Variants in KCNJ13 observed in about 807,000 individuals in gnomAD.
The protein encoded by KCNJ13 is inward rectifier potassium channel 13.
Under a neutral mutation model 24.6 loss-of-function variants are expected in KCNJ13, and 9 were observed. The observed-to-expected ratio is 0.37, with a 90% CI of 0.22 to 0.64. The LOEUF is 0.64. Among genes scored for constraint, KCNJ13 ranks in the 30% least tolerant of loss-of-function variants. The pLI is 0.64. For synonymous variants in KCNJ13, 148 were observed against 154.7 expected (o/e 0.96, Z 0.32); for missense variants, 337 against 443.8 (o/e 0.76, Z 2.16).
chr2:232,770,888 CA>C lies in KCNJ13; in HGVS notation c.460+14del, dbSNP rs777396981. 10 of 1,592,294 alleles carry C rather than the reference CA, an allele frequency of 6.3e-6. No homozygotes were observed. The South Asian group carries it at 1.0e-4, about 16-fold the overall frequency. ...TTTTTGTTTTTGTTTTTTTTAAGAA[CA>C]AAGACAAAATTACCTGTGATAAAAG... On this transcript the variant is annotated intron_variant, in intron 2 of 2. Coordinates refer to ENST00000233826, the MANE Select transcript of KCNJ13 (RefSeq NM_002242.4).
At position 232,768,582 on chromosome 2, in the gene KCNJ13, G is replaced by C; in HGVS notation, c.692C>G (p.Ser231Cys). The C allele has an allele frequency of 6.2e-7, 1 of 1,614,136 alleles. No individual in the cohort carries two copies. Among genetic ancestry groups the C allele is most frequent in the Non-Finnish European group, 8.5e-7 (1 of 1,180,016 alleles). ...SVDFHLDGISSDECPFFIFPL... is the reference protein window; with the variant it reads ...SVDFHLDGISCDECPFFIFPL... The stretch of plus-strand genomic sequence containing the variant: ...AAAGATGAAGAATGGACATTCGTCA[G>C]AACTGATGCCATCAAGGTGGAAATC... The change falls in exon 3 of 3, where the codon TCT becomes TGT. Residue 231 changes from serine to cysteine, a missense_variant. Around this residue, in one of 3 missense-constraint regions of KCNJ13, gnomAD observed 235 missense variants for 286.9 expected, o/e 0.82. Coordinates refer to ENST00000233826, the MANE Select transcript of KCNJ13 (RefSeq NM_002242.4).
chr2:232,772,996 C>CT (rs985125342), intron 1 of KCNJ13, among the ~76,000 whole-genome samples: 4 of 151,848 alleles, frequency 2.6e-5, no homozygotes, highest in South Asian at 2.1e-4. Context: ...TGATTAGAGA[C>CT]TTTTTTTTGT....
chr2:232,772,991 A>T (rs1324973717), intron 1 of KCNJ13, among the ~76,000 whole-genome samples: 3 of 152,126 alleles, frequency 2.0e-5, no homozygotes, highest in African/African-American at 7.2e-5. Context: ...ATTGGTGATT[A>T]GAGACTTTTT....
At chr2:232,773,687 A>G (rs1031170488) in intron 1 of KCNJ13, among the ~76,000 whole-genome samples, 18 of 152,090 alleles carry the variant, frequency 1.2e-4, no homozygotes, top group African/African-American at 4.3e-4. Flanking sequence ...TAGCTAATAT[A>G]TATATTGTTT....
rs1373038113 is a variant in KCNJ13 at position 232,767,246 on chromosome 2, C to G, written c.*945G>C. The G allele has an allele frequency of 6.6e-6, 1 of 152,074 alleles. No individual in the cohort carries two copies. The highest frequency in any genetic ancestry group is 2.4e-5 in the African/African-American group (1 of 41,430). 9.4% of individuals were successfully genotyped at this position (152,074 alleles called of 1,614,324 possible). A position where few individuals can be genotyped will look rare whatever the true frequency, so the allele number is the denominator to read the frequency against. Reference sequence around the variant, plus strand: ...GCCTAATTATCTTTTGCTTTATCTACTGTAGATTTTTTTCCCTACTCACTC... The same window carrying G: ...GCCTAATTATCTTTTGCTTTATCTAGTGTAGATTTTTTTCCCTACTCACTC... On this transcript the variant is annotated 3_prime_UTR_variant, in exon 3 of 3. Coordinates refer to ENST00000233826, the MANE Select transcript of KCNJ13 (RefSeq NM_002242.4).
Position 232,767,558 on chromosome 2 carries a change from A to ATATG in KCNJ13, c.*629_*632dup, listed in dbSNP as rs1463879082. 6.5e-6 allele frequency: 1 copy of ATATG among 153,630 alleles called. No homozygotes were observed. Among genetic ancestry groups the ATATG allele is most frequent in the East Asian group, 1.9e-4 (1 of 5,220 alleles). 9.5% of individuals were successfully genotyped at this position (153,630 alleles called of 1,614,324 possible). The stretch of plus-strand genomic sequence containing the variant: ...CCTTCTGCCACAAATAAGTGAACAT[A>ATATG]TATGTATGTGTTCGGGTGTCATGTT... On this transcript the variant is annotated 3_prime_UTR_variant, in exon 3 of 3. Coordinates refer to ENST00000233826, the MANE Select transcript of KCNJ13 (RefSeq NM_002242.4).
In KCNJ13 at chr2:232,776,526, T is replaced by A. The variant is rs1414778580; in HGVS notation, c.-98A>T. 9.7e-7 allele frequency: 1 copy of A among 1,032,712 alleles called. No individual in the cohort carries two copies. Among genetic ancestry groups the A allele is most frequent in the South Asian group, 1.3e-5 (1 of 74,694 alleles). 64.0% of individuals were successfully genotyped at this position (1,032,712 alleles called of 1,614,324 possible). A position where few individuals can be genotyped will look rare whatever the true frequency, so the allele number is the denominator to read the frequency against. ...AGTCTGCCTTTTTGATCAGATAATTTTAATCTACAAGTCTAGTTTGTAGGT... is the reference window on the plus strand; with the variant it reads ...AGTCTGCCTTTTTGATCAGATAATTATAATCTACAAGTCTAGTTTGTAGGT... On this transcript the variant is annotated 5_prime_UTR_variant, in exon 1 of 3. Coordinates refer to ENST00000233826, the MANE Select transcript of KCNJ13 (RefSeq NM_002242.4).
chr2:232,776,257 T>C (rs1699508285), intron 1 of KCNJ13, among the ~76,000 whole-genome samples, 188 bp downstream of exon 1: 1 of 152,222 alleles, frequency 6.6e-6, no homozygotes, highest in Non-Finnish European at 1.5e-5. Flanking sequence ...ATACATTCAA[T>C]ATGGCTGTTA....
chr2:232,769,261 T>A (rs144876550), intron 2 of KCNJ13, among the ~76,000 whole-genome samples: 1,795 of 152,254 alleles, frequency 0.012, 17 homozygotes, highest in Non-Finnish European at 0.019. Context: ...CCAGGCATGG[T>A]GTCTCACGCC....
At position 232,768,399 on chromosome 2, in the gene KCNJ13, T is replaced by C; in HGVS notation, c.875A>G (p.Glu292Gly). The change falls in exon 3 of 3, where the codon GAA becomes GGA. Residue 292 changes from glutamate (E) to glycine (G), a missense_variant. Physicochemically the swap from Glu to Gly is moderately conservative, Grantham distance 98. This residue lies in a region of KCNJ13 where 235 missense variants were observed against 286.9 expected (regional missense o/e 0.82). Transcript: ENST00000233826. ...TGCAAAACAGTGATGTAACATGATT[T>C]CAGACGGTAGGTAGGATGTCCTCCT... ...CQRRTSYLPS[E>G]IMLHHCFASL... 1.9e-6 allele frequency: 3 copies of C among 1,614,212 alleles called. No individual in the cohort carries two copies. The highest frequency in any genetic ancestry group is 2.5e-6 in the Non-Finnish European group (3 of 1,180,024).
At position 232,767,171 on chromosome 2, in the gene KCNJ13, A is replaced by G. The variant is rs1178147194; in HGVS notation, c.*1020T>C. The G allele has an allele frequency of 1.3e-5, 2 of 152,222 alleles. No individual in the cohort carries two copies. Among genetic ancestry groups the G allele is most frequent in the East Asian group, 3.8e-4 (2 of 5,196 alleles). The allele number at this position is 152,222 out of a possible 1,614,324, so 9.4% of individuals were successfully genotyped here. A position where few individuals can be genotyped will look rare whatever the true frequency, so the allele number is the denominator to read the frequency against. On this transcript the variant is annotated 3_prime_UTR_variant, in exon 3 of 3. Coordinates refer to ENST00000233826, the MANE Select transcript of KCNJ13 (RefSeq NM_002242.4). ...AAACACTGATTTTGTGTTTATAGAA[A>G]AAACTATTTGAAGTTGGAAACAGGA...
Position 232,768,637 on chromosome 2 carries a change from C to T in KCNJ13, c.637G>A (p.Glu213Lys). The change falls in exon 3 of 3, where the codon GAA becomes AAA. Residue 213 changes from glutamate to lysine, a missense_variant. This residue lies in a region of KCNJ13 where 235 missense variants were observed against 286.9 expected (regional missense o/e 0.82). Coordinates refer to ENST00000233826, the MANE Select transcript of KCNJ13 (RefSeq NM_002242.4). ...RVSAVLYQER[E>K]NGKLYQTSVD... ...CTGGTCTGGTAGAGTTTGCCATTTTCTCTTTCCTGATAGAGTACAGCTGAG... is the reference window on the plus strand; with the variant it reads ...CTGGTCTGGTAGAGTTTGCCATTTTTTCTTTCCTGATAGAGTACAGCTGAG... The T allele has an allele frequency of 1.2e-6, 2 of 1,614,128 alleles. No individual in the cohort carries two copies. Among genetic ancestry groups the T allele is most frequent in the Non-Finnish European group, 1.7e-6 (2 of 1,180,008 alleles).
At position 232,769,672 on chromosome 2, in the gene KCNJ13, A is replaced by G. The variant is rs545429468; in HGVS notation, c.461-859T>C. Among the ~76,000 whole-genome samples, 5 of 152,244 alleles carry G rather than the reference A, an allele frequency of 3.3e-5. No homozygotes were observed. In the South Asian group the frequency reaches 8.3e-4, roughly 25 times the overall value. On this transcript the variant is annotated intron_variant, in intron 2 of 2. Transcript: ENST00000233826. ...ATCTTCCTTGTGCCCTAAGCTATAT[A>G]TAAGAGTTTCTTAATCAGTTTTGTG...
In KCNJ13 at chr2:232,767,920, A is replaced by G. The variant is rs1347797502; in HGVS notation, c.*271T>C. 1 of 438,460 alleles carries G rather than the reference A, an allele frequency of 2.3e-6. No homozygotes were observed. Among genetic ancestry groups the G allele is most frequent in the Admixed American group, 3.8e-5 (1 of 26,596 alleles). The allele number at this position is 438,460 out of a possible 1,614,324, so 27.2% of individuals were successfully genotyped here. A position where few individuals can be genotyped will look rare whatever the true frequency, so the allele number is the denominator to read the frequency against. Reference sequence around the variant, plus strand: ...GCCTTCATTACTAGTATCATACCACATTCTTATAAATTCACCAGCAACATT... The same window carrying G: ...GCCTTCATTACTAGTATCATACCACGTTCTTATAAATTCACCAGCAACATT... On this transcript the variant is annotated 3_prime_UTR_variant, in exon 3 of 3. Transcript: ENST00000233826.
chr2:232,776,058 A>G (rs1699498425), intron 1 of KCNJ13, among the ~76,000 whole-genome samples: 1 of 151,472 alleles, frequency 6.6e-6, no homozygotes, highest in South Asian at 2.1e-4. Context: ...GTAAAAACAA[A>G]GTGGCTTATT....
chr2:232,771,552 A>G, intron 1 of KCNJ13, 174 bp from the exon 2 acceptor site: 1 of 529,408 alleles, frequency 1.9e-6, no homozygotes, highest in South Asian at 3.1e-5. Context: ...TTCATTTGGG[A>G]GCTAATTGTG....
chr2:232,772,667 G>T (rs932317749), intron 1 of KCNJ13, among the ~76,000 whole-genome samples: 4 of 152,170 alleles, frequency 2.6e-5, no homozygotes, highest in African/African-American at 9.7e-5. Flanking sequence ...AACAGGAAAT[G>T]CAGCTTTGCT....
chr2:232,773,818 T>C (rs1352856437), intron 1 of KCNJ13, among the ~76,000 whole-genome samples: 1 of 149,020 alleles, frequency 6.7e-6, no homozygotes, highest in African/African-American at 2.5e-5. Flanking sequence ...CGTGTCTGGC[T>C]CCCAGCACTT....
At chr2:232,774,726 A>G (rs1276297857) in intron 1 of KCNJ13, among the ~76,000 whole-genome samples, 3 of 152,136 alleles carry the variant, frequency 2.0e-5, no homozygotes, top group Admixed American at 1.3e-4. Flanking sequence ...TGCTTGTTCC[A>G]CATTTGGAGC....
Sources: allele counts gnomAD v4.1 joint callset (sites outside exome capture counted in the v4.1 genomes callset), GRCh38; gene constraint gnomAD v4.1.1; regional missense constraint gnomAD v4.1.1; transcripts MANE v1.5; gene names NCBI Gene and HGNC (gene_info 2026-07-23, HGNC 2026-07-21).